Variants in VPS52 observed in about 807,000 individuals in gnomAD.
VPS52 encodes the protein vacuolar protein sorting-associated protein 52 homolog.
In VPS52, 56 loss-of-function variants were observed where a neutral mutation model predicts 98.7. The observed-to-expected ratio is 0.57, with a 90% CI of 0.46 to 0.71. VPS52 has a LOEUF of 0.71. Ranked by LOEUF, VPS52 falls within the 30% of genes least tolerant of loss-of-function variation. The pLI, the probability that VPS52 is intolerant of heterozygous loss-of-function variation, is 0.00. For synonymous variants in VPS52, 348 were observed against 346.4 expected (o/e 1.00, Z -0.05); for missense variants, 742 against 925.9 (o/e 0.80, Z 2.58).
At chr6:33,255,943 A>C (rs1297790276) in intron 17 of VPS52, among the ~76,000 whole-genome samples, 1 of 152,160 alleles carries the variant, frequency 6.6e-6, no homozygotes, top group African/African-American at 2.4e-5. Flanking sequence ...CACCAGCAAC[A>C]ATTCTTTCAA....
intron 13 of VPS52, 94 bp from the exon 14 acceptor site, chr6:33,264,591 C>T (rs372750165): frequency 1.3e-6 from 2 of 1,570,314 alleles, no homozygotes; most frequent in African/African-American, 1.4e-5. Context: ...TGGTCAATAG[C>T]TAGTTGTGGG....
rs755588684 is a variant in VPS52, at chr6:33,269,750, G to A, written c.298C>T (p.Arg100Trp). ...TCCCTCTGCTGGAGGATACAATCCCGAATGGATTTCTGTTCAATCTGCTGT... is the reference window on the plus strand; with the variant it reads ...TCCCTCTGCTGGAGGATACAATCCCAAATGGATTTCTGTTCAATCTGCTGT... ...ELQQIEQKSI[R>W]DYIQESENIA... Residue 100 changes from arginine (R) to tryptophan (W), a missense_variant, in exon 4 of 20, where the codon CGG becomes TGG. By Grantham distance (101) the Arg-to-Trp change is moderately radical. Coordinates refer to ENST00000445902, the MANE Select transcript of VPS52 (RefSeq NM_022553.6). The A allele has an allele frequency of 1.7e-5, 27 of 1,613,478 alleles. No individual in the cohort carries two copies. The highest frequency in any genetic ancestry group is 1.7e-4 in the Middle Eastern group (1 of 6,052).
Position 33,269,480 on chromosome 6 carries a change from G to A in VPS52, c.372+10C>T, listed in dbSNP as rs2150857999. ...GTAGCTATTAGGGGTCACAGGTCATGATTACTAACCTCCAGGACAGCATCA... is the reference window on the plus strand; with the variant it reads ...GTAGCTATTAGGGGTCACAGGTCATAATTACTAACCTCCAGGACAGCATCA... On this transcript the variant is annotated intron_variant, in intron 5 of 19. Transcript: ENST00000445902. The A allele has an allele frequency of 6.2e-7, 1 of 1,613,252 alleles. No individual in the cohort carries two copies. The highest frequency in any genetic ancestry group is 8.5e-7 in the Non-Finnish European group (1 of 1,179,996).
rs750198994 is a variant in VPS52 at position 33,250,826 on chromosome 6, G to A, written c.*15C>T. 26 of 1,606,898 alleles carry A rather than the reference G, an allele frequency of 1.6e-5. No homozygotes were observed. The highest frequency in any genetic ancestry group is 1.2e-4 in the Admixed American group (7 of 59,582). The stretch of plus-strand genomic sequence containing the variant: ...ATGGAGATGACCGGCAGATCTCAGG[G>A]CGGTTTCTGGCACATCAGAAGTTGG... On this transcript the variant is annotated 3_prime_UTR_variant, in exon 20 of 20. Coordinates refer to ENST00000445902, the MANE Select transcript of VPS52 (RefSeq NM_022553.6).
chr6:33,271,253 A>T, intron 1 of VPS52: 1 of 607,060 alleles, frequency 1.6e-6, no homozygotes, highest in South Asian at 2.0e-5. Context: ...GAAGCTGGTT[A>T]ACTTGCCCAA....
chr6:33,263,681 A>G, intron 16 of VPS52, 91 bp downstream of exon 16: 1 of 1,581,722 alleles, frequency 6.3e-7, no homozygotes, highest in Non-Finnish European at 8.7e-7. Flanking sequence ...ACTGAACAAG[A>G]CAGGCATCAT....
chr6:33,258,159 G>A (rs1247639510), intron 17 of VPS52, among the ~76,000 whole-genome samples: 5 of 151,868 alleles, frequency 3.3e-5, no homozygotes, highest in East Asian at 1.9e-4. Flanking sequence ...AGGCTGAGGC[G>A]GATGGATCAC....
chr6:33,266,125 G>A (rs1048939092), intron 12 of VPS52, among the ~76,000 whole-genome samples: 1 of 150,346 alleles, frequency 6.7e-6, no homozygotes, highest in African/African-American at 2.4e-5. Context: ...CTCCCAAAGT[G>A]CTGGGATTAC....
At chr6:33,259,388 T>C (rs2150817114) in intron 17 of VPS52, among the ~76,000 whole-genome samples, 1 of 152,036 alleles carries the variant, frequency 6.6e-6, no homozygotes, top group Middle Eastern at 3.4e-3. Context: ...TTATGCAAAC[T>C]CTTAGGCCTT....
intron 17 of VPS52, among the ~76,000 whole-genome samples, chr6:33,262,788 G>A (rs1265327516): frequency 6.6e-6 from 1 of 152,202 alleles, no homozygotes; most frequent in Non-Finnish European, 1.5e-5. Context: ...CAAACGTCAT[G>A]TGTTCTCACT....
rs9280387 is a variant in VPS52 at position 33,258,386 on chromosome 6, C to CAA, written c.1794+5096_1794+5097dup. On this transcript the variant is annotated intron_variant, in intron 17 of 19. Coordinates refer to ENST00000445902, the MANE Select transcript of VPS52 (RefSeq NM_022553.6). ...CGGCAACATGAGTGAAACTCCATCT[C>CAA]AAAAAAAAAAAAAAAAAGGTGCAAG... Among the ~76,000 whole-genome samples the CAA allele has an allele frequency of 9.2e-3, 817 of 88,644 alleles. 7 individuals carry two copies. The highest frequency in any genetic ancestry group is 0.021 in the South Asian group (49 of 2,374). 58.2% of individuals were successfully genotyped at this position (88,644 alleles called of 152,430 possible).
chr6:33,270,112 A>G, intron 2 of VPS52, 61 bp from the exon 3 acceptor site: 3 of 1,613,012 alleles, frequency 1.9e-6, no homozygotes, highest in Non-Finnish European at 2.5e-6. Context: ...CACATTGAGT[A>G]TCTGCACACC....
rs1317927954 is a variant in VPS52 at position 33,268,217 on chromosome 6, G to A, written c.700-9C>T. 4.3e-6 allele frequency: 7 copies of A among 1,612,654 alleles called. No individual in the cohort carries two copies. Among genetic ancestry groups the A allele is most frequent in the Non-Finnish European group, 5.9e-6 (7 of 1,179,834 alleles). On this transcript the variant is annotated splice_polypyrimidine_tract_variant and intron_variant, in intron 7 of 19. Transcript: ENST00000445902. The surrounding 1 kb of genome is among the most constrained non-coding windows in gnomAD (Gnocchi z 4.0). ...CGGATCTTCGTCACTGCCTAGATGT[G>A]GGGAACCAAACACAGGGCATGAAGC...
intron 12 of VPS52, among the ~76,000 whole-genome samples, chr6:33,265,951 C>T (rs1369002165): frequency 1.3e-5 from 2 of 152,002 alleles, no homozygotes; most frequent in South Asian, 2.1e-4. Context: ...ACTGCAATCT[C>T]CTCCTCCCAG....
At position 33,251,599 on chromosome 6, in the gene VPS52, G is replaced by A. The variant is rs759538737; in HGVS notation, c.1944C>T (p.Ser648=). The A allele has an allele frequency of 1.2e-6, 2 of 1,614,024 alleles. No homozygotes were observed. The highest frequency in any genetic ancestry group is 1.7e-6 in the Non-Finnish European group (2 of 1,179,966). ...VTQLIRGFGS[S]WKSSVESLSQ... is the part of the protein sequence containing the mutation. ...TCAGAGATTCCACTGATGATTTCCA[G>A]GAACTACCAAAGCCACGGATCAGCT... is the stretch of plus-strand genomic sequence containing the variant. The change falls in exon 19 of 20, where the codon TCC becomes TCT. Residue 648 remains serine, a synonymous_variant. Coordinates refer to ENST00000445902, the MANE Select transcript of VPS52 (RefSeq NM_022553.6).
At chr6:33,265,347 A>G (rs1764178471) in intron 12 of VPS52, among the ~76,000 whole-genome samples, 1 of 152,096 alleles carries the variant, frequency 6.6e-6, no homozygotes, top group African/African-American at 2.4e-5. Flanking sequence ...AAGTGCTGGG[A>G]TTACAGGTGT....
At position 33,269,989 on chromosome 6, in the gene VPS52, A is replaced by G; in HGVS notation, c.228+10T>C. On this transcript the variant is annotated intron_variant, in intron 3 of 19. Transcript: ENST00000445902. ...ATAGAAGGGCAGATTAGTACAGGGG[A>G]AAGCCTCACCGTTTTAAGAGCTTCC... is the stretch of plus-strand genomic sequence containing the variant. The G allele has an allele frequency of 6.2e-7, 1 of 1,614,126 alleles. No individual in the cohort carries two copies. The highest frequency in any genetic ancestry group is 1.6e-4 in the Middle Eastern group (1 of 6,062).
upstream of VPS52, chr6:33,271,887 C>T: frequency 1.7e-6 from 2 of 1,190,656 alleles, no homozygotes; most frequent in Non-Finnish European, 2.3e-6. Context: ...AGCCCCGGAA[C>T]CTTCGCTGTT....
intron 12 of VPS52, among the ~76,000 whole-genome samples, chr6:33,265,595 C>T (rs182913493): frequency 6.6e-6 from 1 of 152,314 alleles, no homozygotes; most frequent in East Asian, 1.9e-4. Context: ...TGGTCTCGAA[C>T]TCCTGGCCTC....
Sources: gnomAD v4.1 joint callset for allele counts (sites outside exome capture counted in the v4.1 genomes callset) on GRCh38, gnomAD v4.1.1 for gene constraint, Gnocchi (gnomAD v3.1) non-coding constraint, MANE v1.5 for transcripts, NCBI Gene and HGNC (gene_info 2026-07-23, HGNC 2026-07-21) for gene names.